Variants in ASCC1 observed in about 807,000 individuals in gnomAD.
ASCC1 encodes activating signal cointegrator 1 complex subunit 1.
Under a neutral mutation model 46.6 loss-of-function variants are expected in ASCC1, and 35 were observed. The ratio of observed to expected loss-of-function variants is 0.75; its 90% confidence interval spans 0.57 to 0.99. The LOEUF (loss-of-function observed/expected upper bound fraction) is 0.99. Among genes scored for constraint, ASCC1 ranks in the 50% least tolerant of loss-of-function variants. ASCC1 has a pLI of 0.00. For missense variants in ASCC1, 376 were observed against 428.7 expected (o/e 0.88, Z 1.09); for synonymous variants, 143 against 146.6 (o/e 0.98, Z 0.18).
chr10:72,175,589 G>C (rs557982133), intron 5 of ASCC1, among the ~76,000 whole-genome samples: 1 of 152,300 alleles, frequency 6.6e-6, no homozygotes, highest in East Asian at 1.9e-4. Context: ...CAAGAAAGTG[G>C]AGAGGTTCTT....
At chr10:72,124,714 A>C (rs920352809) in intron 9 of ASCC1, among the ~76,000 whole-genome samples, 1 of 150,462 alleles carries the variant, frequency 6.6e-6, no homozygotes, top group Admixed American at 6.6e-5. Flanking sequence ...ATGGCTAAAC[A>C]AACAACATCT....
intron 9 of ASCC1, among the ~76,000 whole-genome samples, chr10:72,103,282 GC>G (rs1842000398): frequency 1.3e-5 from 2 of 151,696 alleles, no homozygotes; most frequent in African/African-American, 4.9e-5. Flanking sequence ...ACAGGCGCCT[GC>G]CACCGCACCC....
chr10:72,146,863 T>C (rs528598004), intron 7 of ASCC1, among the ~76,000 whole-genome samples: 2 of 151,142 alleles, frequency 1.3e-5, no homozygotes, highest in Non-Finnish European at 2.9e-5. Flanking sequence ...CCAAAAAAAG[T>C]TAAGTGCTTG....
chr10:72,146,944 T>C (rs1244035409), intron 7 of ASCC1, among the ~76,000 whole-genome samples: 1 of 151,926 alleles, frequency 6.6e-6, no homozygotes, highest in Admixed American at 6.6e-5. Flanking sequence ...AAGAAAAAGA[T>C]TGAATGGTCC....
intron 9 of ASCC1, among the ~76,000 whole-genome samples, chr10:72,100,250 A>G (rs1339736480): frequency 7.2e-6 from 1 of 138,480 alleles, no homozygotes; most frequent in African/African-American, 2.7e-5. Flanking sequence ...TTTTAGACGG[A>G]CTCTCTCTCT....
rs1473855651 is a variant in ASCC1 at position 72,102,431 on chromosome 10, G to GA, written c.958-4982dup. 8 of 1,539,718 alleles carry GA rather than the reference G, an allele frequency of 5.2e-6. No homozygotes were observed. Among genetic ancestry groups the GA allele is most frequent in the African/African-American group, 2.8e-5 (2 of 72,534 alleles). On this transcript the variant is annotated intron_variant, in intron 9 of 9. Transcript: ENST00000672957. ...GAGACACCTGTAGCACAGTTAAGTG[G>GA]AAACAGATCACTATAAAAGGCTTTA...
At chr10:72,210,704 C>T in intron 3 of ASCC1, 28 bp downstream of exon 3, 2 of 1,598,510 alleles carry the variant, frequency 1.3e-6, no homozygotes, top group East Asian at 4.5e-5. Flanking sequence ...AAGTGTCTTC[C>T]CATGAAACTG....
At chr10:72,123,465 C>T (rs1844471272) in intron 9 of ASCC1, among the ~76,000 whole-genome samples, 1 of 151,906 alleles carries the variant, frequency 6.6e-6, no homozygotes, top group East Asian at 1.9e-4. Flanking sequence ...TGTGGCCTAT[C>T]GATTTTAAAG....
chr10:72,211,906 G>A (rs916321535), intron 2 of ASCC1, among the ~76,000 whole-genome samples: 3 of 152,092 alleles, frequency 2.0e-5, no homozygotes, highest in Admixed American at 6.6e-5. Context: ...AATACAGGCC[G>A]GTCATGGTGG....
At chr10:72,120,806 C>G (rs1286824188) in intron 9 of ASCC1, among the ~76,000 whole-genome samples, 1 of 151,936 alleles carries the variant, frequency 6.6e-6, no homozygotes, top group Non-Finnish European at 1.5e-5. Context: ...ACTCCATCAA[C>G]CTGGAATTCT....
chr10:72,102,232 T>G, intron 9 of ASCC1: 226 of 1,000,716 alleles, frequency 2.3e-4, no homozygotes, highest in Non-Finnish European at 3.2e-4. Flanking sequence ...TGGGTGTATA[T>G]GAGGCTGCCA....
intron 9 of ASCC1, among the ~76,000 whole-genome samples, chr10:72,117,804 G>A (rs1227673693): frequency 6.6e-6 from 1 of 152,108 alleles, no homozygotes; most frequent in Non-Finnish European, 1.5e-5. Flanking sequence ...TTGTGTATTA[G>A]CTTTAAAAGC....
intron 5 of ASCC1, among the ~76,000 whole-genome samples, chr10:72,179,537 G>T (rs1852296852): frequency 6.6e-6 from 1 of 152,236 alleles, no homozygotes; most frequent in African/African-American, 2.4e-5. Flanking sequence ...TATTGGATTA[G>T]AGCAGATGCT....
rs1280264475 is a variant in ASCC1 at position 72,186,482 on chromosome 10, T to TC, written c.489+10328dup. Among the ~76,000 whole-genome samples the TC allele has an allele frequency of 7.2e-5, 11 of 152,170 alleles. 1 individual carries two copies. The highest frequency in any genetic ancestry group is 7.2e-4 in the Admixed American group (11 of 15,264). On this transcript the variant is annotated intron_variant, in intron 5 of 9. Coordinates refer to ENST00000672957, the MANE Select transcript of ASCC1 (RefSeq NM_001198800.3). ...GCCAAAAGAACTGAAAATCCCACAG[T>TC]CTCTCAGAAAACAACTGCTATCTCA... is the stretch of plus-strand genomic sequence containing the variant.
chr10:72,181,525 T>C (rs1247761083), intron 5 of ASCC1, among the ~76,000 whole-genome samples: 2 of 152,024 alleles, frequency 1.3e-5, no homozygotes, highest in African/African-American at 2.4e-5. Flanking sequence ...CATTATAAAA[T>C]TGGAAAAACA....
intron 5 of ASCC1, among the ~76,000 whole-genome samples, chr10:72,191,900 G>A (rs572713985): frequency 2.5e-4 from 38 of 151,480 alleles, no homozygotes; most frequent in Non-Finnish European, 4.9e-4. Context: ...CACCCACCTC[G>A]GCCTCCCAAA....
chr10:72,157,731 T>C (rs1017035544), intron 6 of ASCC1, among the ~76,000 whole-genome samples: 1 of 152,238 alleles, frequency 6.6e-6, no homozygotes, highest in Non-Finnish European at 1.5e-5. Context: ...ATGGTTATGA[T>C]GGCAAATTTT....
intron 5 of ASCC1, among the ~76,000 whole-genome samples, chr10:72,188,920 C>T (rs1199942683): frequency 1.3e-5 from 2 of 151,966 alleles, no homozygotes; most frequent in Non-Finnish European, 2.9e-5. Flanking sequence ...CCACTGCGAG[C>T]TAATTTTTTA....
intron 7 of ASCC1, among the ~76,000 whole-genome samples, chr10:72,145,017 T>C (rs1321651471): frequency 6.6e-6 from 1 of 152,244 alleles, no homozygotes; most frequent in Non-Finnish European, 1.5e-5. Context: ...TGAAAGTTTT[T>C]ATTTCATACC....
Sources: gnomAD v4.1 joint callset for allele counts (sites outside exome capture counted in the v4.1 genomes callset) on GRCh38, gnomAD v4.1.1 for gene constraint, MANE v1.5 for transcripts, NCBI Gene and HGNC (gene_info 2026-07-23, HGNC 2026-07-21) for gene names.